The following ADGRL3 variants were observed in gnomAD, a reference collection of about 807,000 sequenced individuals.
ADGRL3 encodes the protein calcium-independent alpha-latrotoxin receptor 3.
Under a neutral mutation model 153.5 loss-of-function variants are expected in ADGRL3, and 62 were observed. That is an observed-to-expected ratio of 0.40 (90% CI 0.33 to 0.50). The LOEUF (loss-of-function observed/expected upper bound fraction) is 0.50. Ranked by LOEUF, ADGRL3 falls within the 20% of genes least tolerant of loss-of-function variation. The probability of loss-of-function intolerance (pLI) is 0.47; values close to 1 mark genes in which losing one functional copy is unlikely to be tolerated. For missense variants in ADGRL3, 1,641 were observed against 1,859.4 expected (o/e 0.88, Z 2.16); for synonymous variants, 710 against 672.5 (o/e 1.06, Z -0.86).
chr4:61,579,730 A>T, intron 4 of ADGRL3: 3 of 354,738 alleles, frequency 8.5e-6, no homozygotes, highest in South Asian at 2.2e-5. Context: ...TTTTCTTTTG[A>T]CCTCAGAACA....
chr4:61,553,593 T>A (rs2098750517), intron 4 of ADGRL3, among the ~76,000 whole-genome samples: 1 of 152,228 alleles, frequency 6.6e-6, no homozygotes, highest in African/African-American at 2.4e-5. Context: ...GATTATTGTC[T>A]GACATCACAA....
intron 9 of ADGRL3, among the ~76,000 whole-genome samples, chr4:61,879,823 A>C (rs943554363): frequency 2.0e-5 from 3 of 152,010 alleles, no homozygotes; most frequent in African/African-American, 7.2e-5. Flanking sequence ...GGGCTCAAGA[A>C]ATCCTCCCAC....
At chr4:61,972,727 G>T (rs552789026) in intron 17 of ADGRL3, among the ~76,000 whole-genome samples, 5 of 152,014 alleles carry the variant, frequency 3.3e-5, no homozygotes, top group Non-Finnish European at 5.9e-5. Context: ...GGATGGCATT[G>T]AATCTATAAA....
intron 2 of ADGRL3, among the ~76,000 whole-genome samples, chr4:61,450,237 G>A (rs1188325212): frequency 6.6e-6 from 1 of 152,090 alleles, no homozygotes; most frequent in Admixed American, 6.6e-5. Flanking sequence ...CTACATTAAA[G>A]AAAACTGTTA....
chr4:61,640,708 C>T (rs1399147683), intron 5 of ADGRL3, among the ~76,000 whole-genome samples: 2 of 152,122 alleles, frequency 1.3e-5, no homozygotes, highest in Non-Finnish European at 2.9e-5. Flanking sequence ...TATTGACTTC[C>T]ACCTGACAGT....
At chr4:61,936,480 C>T (rs2098838954) in intron 15 of ADGRL3, among the ~76,000 whole-genome samples, 1 of 151,914 alleles carries the variant, frequency 6.6e-6, no homozygotes, top group Non-Finnish European at 1.5e-5. Context: ...CTTTGCAAAG[C>T]ATACAAACAT....
At chr4:61,593,126 A>C (rs2098975978) in intron 5 of ADGRL3, among the ~76,000 whole-genome samples, 3 of 152,192 alleles carry the variant, frequency 2.0e-5, no homozygotes, top group Non-Finnish European at 4.4e-5. Context: ...AAAGGAAACT[A>C]ATAAAAACTC....
At chr4:61,801,373 A>G (rs2097494736) in intron 8 of ADGRL3, among the ~76,000 whole-genome samples, 1 of 152,098 alleles carries the variant, frequency 6.6e-6, no homozygotes, top group African/African-American at 2.4e-5. Context: ...GATGATAAGA[A>G]CCAATAATTT....
chr4:61,663,332 C>A (rs1005761900), intron 5 of ADGRL3, among the ~76,000 whole-genome samples: 1 of 152,204 alleles, frequency 6.6e-6, no homozygotes, highest in African/African-American at 2.4e-5. Flanking sequence ...TGGATTCCAG[C>A]AGAAACTGCA....
At chr4:61,343,764 A>T (rs1188991542) in intron 1 of ADGRL3, among the ~76,000 whole-genome samples, 2 of 152,226 alleles carry the variant, frequency 1.3e-5, no homozygotes, top group Non-Finnish European at 2.9e-5. Flanking sequence ...GGGAAAAATG[A>T]TTTAACATTG....
At chr4:61,938,388 G>A (rs1365147664) in intron 15 of ADGRL3, among the ~76,000 whole-genome samples, 2 of 152,126 alleles carry the variant, frequency 1.3e-5, no homozygotes, top group Non-Finnish European at 2.9e-5. Flanking sequence ...GCTCAGTACT[G>A]TATTAACACT....
At chr4:61,979,862 A>G in intron 18 of ADGRL3, 90 bp downstream of exon 18, 1 of 1,115,150 alleles carries the variant, frequency 9.0e-7, no homozygotes, top group South Asian at 1.4e-5. Flanking sequence ...GTTTGAAAGT[A>G]TCATTTCTTC....
At chr4:61,560,775 G>T (rs893057665) in intron 4 of ADGRL3, among the ~76,000 whole-genome samples, 1 of 152,000 alleles carries the variant, frequency 6.6e-6, no homozygotes, top group African/African-American at 2.4e-5. Flanking sequence ...CTTAAGGCCT[G>T]CTCTATATAG....
chr4:61,580,698 G>C (rs191081108), intron 4 of ADGRL3, among the ~76,000 whole-genome samples: 2 of 152,008 alleles, frequency 1.3e-5, no homozygotes, highest in African/African-American at 4.8e-5. Flanking sequence ...CAGCTTCCAA[G>C]GTGCCTCTCT....
chr4:61,253,114 A>G (rs1031547779), intron 1 of ADGRL3, among the ~76,000 whole-genome samples: 17 of 152,316 alleles, frequency 1.1e-4, no homozygotes, highest in African/African-American at 3.6e-4. Context: ...TCAGGCAGCC[A>G]TCTACAGGTG....
At chr4:61,251,404 G>A (rs1404864898) in intron 1 of ADGRL3, among the ~76,000 whole-genome samples, 1 of 152,138 alleles carries the variant, frequency 6.6e-6, no homozygotes, top group Non-Finnish European at 1.5e-5. Flanking sequence ...AGGTAACCAC[G>A]AGGAAGCTGC....
intron 5 of ADGRL3, among the ~76,000 whole-genome samples, chr4:61,668,680 C>T (rs569684105): frequency 6.6e-6 from 1 of 151,942 alleles, no homozygotes; most frequent in Non-Finnish European, 1.5e-5. Flanking sequence ...CTGAAATATC[C>T]TATAGTACTT....
intron 1 of ADGRL3, among the ~76,000 whole-genome samples, chr4:61,374,784 C>G (rs1035848496): frequency 6.6e-6 from 1 of 151,914 alleles, no homozygotes; most frequent in Non-Finnish European, 1.5e-5. Context: ...CACATTCTGC[C>G]CCCTGCACAG....
At chr4:61,314,055 C>T (rs1218705475) in intron 1 of ADGRL3, among the ~76,000 whole-genome samples, 2 of 152,168 alleles carry the variant, frequency 1.3e-5, no homozygotes, top group African/African-American at 2.4e-5. Context: ...TCCTGGCAGC[C>T]GGGAACTGAT....
Sources: allele counts gnomAD v4.1 joint callset (sites outside exome capture counted in the v4.1 genomes callset), GRCh38; gene constraint gnomAD v4.1.1; transcripts MANE v1.5; gene names NCBI Gene and HGNC (gene_info 2026-07-23, HGNC 2026-07-21).